The following OPN4 variants were observed in gnomAD, a reference collection of about 807,000 sequenced individuals.
OPN4 encodes opsin 4, also known as melanopsin.
In OPN4, 43 loss-of-function variants were observed where a neutral mutation model predicts 49.5. The ratio of observed to expected loss-of-function variants is 0.87; its 90% CI spans 0.68 to 1.12. The LOEUF is 1.12. OPN4 is among the 50% of genes most tolerant of loss of function. OPN4 has a pLI of 0.00. For missense variants in OPN4, 657 were observed against 643.9 expected (o/e 1.02, Z -0.22); for synonymous variants, 263 against 258.0 (o/e 1.02, Z -0.19).
At chr10:86,665,469 G>A (rs1033059413) in intron 9 of OPN4, among the ~76,000 whole-genome samples, 1 of 152,080 alleles carries the variant, frequency 6.6e-6, no homozygotes, top group African/African-American at 2.4e-5. Context: ...GGGTTCAGTT[G>A]TGACCCCGGG....
At chr10:86,661,695 G>A (rs1246679977) in intron 7 of OPN4, among the ~76,000 whole-genome samples, 22 of 73,052 alleles carry the variant, frequency 3.0e-4, no homozygotes, top group African/African-American at 4.4e-4. Flanking sequence ...GCACCCCCCC[G>A]CCCCGCCCTC....
At chr10:86,662,646 T>C (rs1480297720) in intron 8 of OPN4, among the ~76,000 whole-genome samples, 1 of 152,108 alleles carries the variant, frequency 6.6e-6, no homozygotes, top group Non-Finnish European at 1.5e-5. Flanking sequence ...AGAGCGGGGA[T>C]GGTTTGGGGG....
At chr10:86,659,866 G>T (rs1199408685) in intron 5 of OPN4, 29 bp from the exon 6 acceptor site, 2 of 1,611,898 alleles carry the variant, frequency 1.2e-6, no homozygotes, top group Non-Finnish European at 8.5e-7. Context: ...CCCGACTAGG[G>T]TCAGACCTGG....
rs146893015 is a variant in OPN4, at chr10:86,665,477, G to A, written c.1399-236G>A. Among the ~76,000 whole-genome samples, 270 of 152,182 alleles carry A rather than the reference G, an allele frequency of 1.8e-3. 3 individuals carry two copies. Among genetic ancestry groups the A allele is most frequent in the African/African-American group, 5.7e-3 (236 of 41,492 alleles). On this transcript the variant is annotated intron_variant, in intron 9 of 9. Transcript: ENST00000241891. ...TGAGGATGGGTTCAGTTGTGACCCCGGGAGTCAAGAGCCCGGGGAGCATCC... is the reference window on the plus strand; with the variant it reads ...TGAGGATGGGTTCAGTTGTGACCCCAGGAGTCAAGAGCCCGGGGAGCATCC...
rs1336191732 is a variant in OPN4 at position 86,663,641 on chromosome 10, C to T, written c.1255-18C>T. 1 of 1,481,384 alleles carries T rather than the reference C, an allele frequency of 6.8e-7. No individual in the cohort carries two copies. The highest frequency in any genetic ancestry group is 1.4e-5 in the African/African-American group (1 of 71,028). The allele number at this position is 1,481,384 out of a possible 1,614,324, so 91.8% of individuals were successfully genotyped here. A position where few individuals can be genotyped will look rare whatever the true frequency, so the allele number is the denominator to read the frequency against. ...GACTGTCCCTCTCACCTCACAGTCA[C>T]TCTCTCACCTCCCTCAGGGCTGGAC... On this transcript the variant is annotated intron_variant, in intron 8 of 9. Transcript: ENST00000241891.
chr10:86,658,627 G>A lies in OPN4; in HGVS notation c.568G>A (p.Val190Ile), dbSNP rs762504870. The A allele has an allele frequency of 6.2e-7, 1 of 1,614,114 alleles. No individual in the cohort carries two copies. Among genetic ancestry groups the A allele is most frequent in the South Asian group, 1.1e-5 (1 of 91,086 alleles). Residue 190 changes from valine (V) to isoleucine (I), a missense_variant, in exon 4 of 10, where the codon GTC becomes ATC. By Grantham distance (29) the Val-to-Ile change is conservative. Coordinates refer to ENST00000241891, the MANE Select transcript of OPN4 (RefSeq NM_033282.4). ...GGCGTCCAAGAGGCGTGCGGCATTTGTCCTGCTGGGCGTTTGGCTCTATGC... is the reference window on the plus strand; with the variant it reads ...GGCGTCCAAGAGGCGTGCGGCATTTATCCTGCTGGGCGTTTGGCTCTATGC... ...GVASKRRAAF[V>I]LLGVWLYALA...
chr10:86,665,572 C>T (rs1453595388), intron 9 of OPN4, 141 bp from the exon 10 acceptor site: 4 of 682,282 alleles, frequency 5.9e-6, no homozygotes, highest in Non-Finnish European at 1.1e-5. Context: ...CTGGGAAGGC[C>T]CATCCCTGAC....
intron 5 of OPN4, 87 bp downstream of exon 5, chr10:86,659,555 A>G: frequency 6.7e-7 from 1 of 1,502,888 alleles, no homozygotes; most frequent in Non-Finnish European, 8.9e-7. Flanking sequence ...CACCTGCACC[A>G]GCCTACCAGA....
Position 86,662,010 on chromosome 10 carries a change from C to A in OPN4, c.1074-242C>A, listed in dbSNP as rs975624312. 2.0e-5 allele frequency among the ~76,000 whole-genome samples: 3 copies of A among 152,178 alleles called. 1 individual carries two copies. Among genetic ancestry groups the A allele is most frequent in the African/African-American group, 7.2e-5 (3 of 41,438 alleles). Reference sequence around the variant, plus strand: ...AACCAACATCCCCAGGCTCTCCCTGCATGCCTACCACCCAGAATCTCTCTG... The same window carrying A: ...AACCAACATCCCCAGGCTCTCCCTGAATGCCTACCACCCAGAATCTCTCTG... On this transcript the variant is annotated intron_variant, in intron 7 of 9. Transcript: ENST00000241891.
At chr10:86,662,828 T>G (rs1844046728) in intron 8 of OPN4, among the ~76,000 whole-genome samples, 1 of 152,256 alleles carries the variant, frequency 6.6e-6, no homozygotes, top group South Asian at 2.1e-4. Flanking sequence ...CTCCTCAGCA[T>G]TAAGCCCCCT....
chr10:86,665,146 T>A (rs1844118634), intron 9 of OPN4, among the ~76,000 whole-genome samples: 1 of 151,902 alleles, frequency 6.6e-6, no homozygotes, highest in Admixed American at 6.6e-5. Context: ...ACAGGATGTC[T>A]CTCTGTGACC....
chr10:86,654,809 T>TCCCCCC lies in OPN4; in HGVS notation c.29_30insCCCCCC (p.Pro10_Pro11dup). On this transcript the variant is annotated inframe_insertion, in exon 1 of 10. Transcript: ENST00000241891. ...ATGAACCCTCCTTCGGGGCCAAGAG[T>TCCCCCC]CCCGCCCAGCCCAACCCAAGAGCCC... 2 of 1,554,750 alleles carry TCCCCCC rather than the reference T, an allele frequency of 1.3e-6. No individual in the cohort carries two copies. The highest frequency in any genetic ancestry group is 1.4e-5 in the African/African-American group (1 of 73,686).
In OPN4 at chr10:86,654,946, G is replaced by A; in HGVS notation, c.144+19G>A. The stretch of plus-strand genomic sequence containing the variant: ...TCCCACAGTAAGCCTGGGCGAGCAT[G>A]TGCATGCACAGAGCCTTCCCTGACC... On this transcript the variant is annotated intron_variant, in intron 1 of 9. Transcript: ENST00000241891. 1 of 1,611,598 alleles carries A rather than the reference G, an allele frequency of 6.2e-7. No homozygotes were observed. The highest frequency in any genetic ancestry group is 8.5e-7 in the Non-Finnish European group (1 of 1,178,468).
In OPN4 at chr10:86,666,095, A is replaced by C. The variant is rs904744394; in HGVS notation, c.*344A>C. The C allele has an allele frequency of 1.5e-4, 48 of 314,296 alleles. No individual in the cohort carries two copies. Among genetic ancestry groups the C allele is most frequent in the African/African-American group, 9.9e-4 (46 of 46,598 alleles). 19.5% of individuals were successfully genotyped at this position (314,296 alleles called of 1,614,324 possible). A position where few individuals can be genotyped will look rare whatever the true frequency, so the allele number is the denominator to read the frequency against. On this transcript the variant is annotated 3_prime_UTR_variant, in exon 10 of 10. Coordinates refer to ENST00000241891, the MANE Select transcript of OPN4 (RefSeq NM_033282.4). ...ATGACAATGGTGATGGCTCCAGAGAACACACCAGCTATTTATGAGCCTCTG... is the reference window on the plus strand; with the variant it reads ...ATGACAATGGTGATGGCTCCAGAGACCACACCAGCTATTTATGAGCCTCTG...
In OPN4 at chr10:86,662,444, G is replaced by A. The variant is rs1470703089; in HGVS notation, c.1254+12G>A. ...CGGAGAGTGAGGTGGTAAGGATGCTGGGCCCTCACCAGCTTGCGCCTGGCC... is the reference window on the plus strand; with the variant it reads ...CGGAGAGTGAGGTGGTAAGGATGCTAGGCCCTCACCAGCTTGCGCCTGGCC... On this transcript the variant is annotated intron_variant, in intron 8 of 9. Coordinates refer to ENST00000241891, the MANE Select transcript of OPN4 (RefSeq NM_033282.4). The A allele has an allele frequency of 2.6e-6, 4 of 1,542,132 alleles. No homozygotes were observed. Among genetic ancestry groups the A allele is most frequent in the Middle Eastern group, 1.7e-4 (1 of 5,986 alleles).
chr10:86,663,569 G>A, intron 8 of OPN4, 90 bp from the exon 9 acceptor site: 8 of 1,234,180 alleles, frequency 6.5e-6, no homozygotes, highest in Non-Finnish European at 8.6e-6. Context: ...TACCTGTTGG[G>A]AGGATGAAGG....
chr10:86,664,411 T>C (rs933460437), intron 9 of OPN4, among the ~76,000 whole-genome samples: 2 of 152,180 alleles, frequency 1.3e-5, no homozygotes, highest in African/African-American at 2.4e-5. Flanking sequence ...CTTGTGGCTA[T>C]TAAAAGAAGG....
rs1843948473 is a variant in OPN4 at position 86,659,377 on chromosome 10, A to G, written c.709A>G (p.Met237Val). The G allele has an allele frequency of 3.7e-6, 6 of 1,613,936 alleles. No individual in the cohort carries two copies. Among genetic ancestry groups the G allele is most frequent in the Non-Finnish European group, 5.1e-6 (6 of 1,179,992 alleles). ...CACGCCGGCCGTGCGTGCCTACACC[A>G]TGCTTCTCTGCTGCTTCGTGTTCTT... is the stretch of plus-strand genomic sequence containing the variant. ...SFTPAVRAYTMLLCCFVFFLP... is the reference protein window; with the variant it reads ...SFTPAVRAYTVLLCCFVFFLP... Residue 237 changes from methionine (M) to valine (V), a missense_variant, in exon 5 of 10, where the codon ATG (methionine) becomes GTG (valine). Transcript: ENST00000241891.
chr10:86,656,044 G>T, intron 1 of OPN4, 111 bp from the exon 2 acceptor site: 1 of 1,419,578 alleles, frequency 7.0e-7, no homozygotes, highest in Non-Finnish European at 9.8e-7. Flanking sequence ...TTGCCACTCT[G>T]AGCCTCAGTT....
Sources: allele counts gnomAD v4.1 joint callset (sites outside exome capture counted in the v4.1 genomes callset), GRCh38; gene constraint gnomAD v4.1.1; transcripts MANE v1.5; gene names NCBI Gene and HGNC (gene_info 2026-07-23, HGNC 2026-07-21).